The following HS2ST1 variants were observed in gnomAD, a reference collection of about 807,000 sequenced individuals.
HS2ST1 encodes 2-O-sulfotransferase.
Under a neutral mutation model 42.9 loss-of-function variants are expected in HS2ST1, and 18 were observed. The observed-to-expected ratio is 0.42, with a 90% confidence interval of 0.29 to 0.62. The LOEUF is 0.62. HS2ST1 is among the 20% of genes least tolerant of loss of function. The pLI, the probability that HS2ST1 is intolerant of heterozygous loss-of-function variation, is 0.21. For synonymous variants in HS2ST1, 146 were observed against 152.9 expected (o/e 0.95, Z 0.33); for missense variants, 334 against 433.8 (o/e 0.77, Z 2.04).
intron 1 of HS2ST1, among the ~76,000 whole-genome samples, chr1:86,959,199 A>C (rs893185390): frequency 6.6e-6 from 1 of 152,230 alleles, no homozygotes; most frequent in Non-Finnish European, 1.5e-5. Context: ...GTCCCCTCTC[A>C]CTACTCTTCA....
At chr1:86,980,433 A>G (rs1648544359) in intron 1 of HS2ST1, among the ~76,000 whole-genome samples, 1 of 152,208 alleles carries the variant, frequency 6.6e-6, no homozygotes, top group African/African-American at 2.4e-5. Flanking sequence ...CAATGTCAAC[A>G]AAATGCTAAC....
At chr1:87,079,408 G>A (rs1410156275) in intron 2 of HS2ST1, among the ~76,000 whole-genome samples, 2 of 152,182 alleles carry the variant, frequency 1.3e-5, no homozygotes, top group Non-Finnish European at 2.9e-5. Context: ...AAAGTGCTAG[G>A]ATTATAGGCG....
intron 1 of HS2ST1, among the ~76,000 whole-genome samples, chr1:86,931,963 A>G (rs891986543): frequency 3.3e-5 from 5 of 152,066 alleles, no homozygotes; most frequent in African/African-American, 9.7e-5. Flanking sequence ...TTGTAGAGAC[A>G]AGGTCTTGCT....
In HS2ST1 at chr1:87,073,053, C is replaced by G. The variant is rs1460519666; in HGVS notation, c.244C>G (p.Pro82Ala). ...CATGGTGATCATTTATAACAGAGTT[C>G]CCAAAACGGCAAGCACTTCATTTAC... ...EDMVIIYNRV[P>A]KTASTSFTNI... Residue 82 changes from proline to alanine, a missense_variant, in exon 2 of 7, where the codon CCC becomes GCC. Pro to Ala is a conservative substitution (Grantham distance 27). Coordinates refer to ENST00000370550, the MANE Select transcript of HS2ST1 (RefSeq NM_012262.4). 1 of 1,613,996 alleles carries G rather than the reference C, an allele frequency of 6.2e-7. No homozygotes were observed. The highest frequency in any genetic ancestry group is 8.5e-7 in the Non-Finnish European group (1 of 1,179,908).
intron 1 of HS2ST1, among the ~76,000 whole-genome samples, chr1:87,056,726 A>G (rs999894477): frequency 2.0e-5 from 3 of 152,198 alleles, no homozygotes; most frequent in Admixed American, 6.5e-5. Flanking sequence ...TTATTATACA[A>G]TTCTAATGTA....
In HS2ST1 at chr1:87,064,001, C is replaced by T. The variant is rs1237911077; in HGVS notation, c.125-8933C>T. Among the ~76,000 whole-genome samples the T allele has an allele frequency of 3.9e-5, 6 of 152,294 alleles. No individual in the cohort carries two copies. In the East Asian group the frequency reaches 1.2e-3, roughly 29 times the overall value. On this transcript the variant is annotated intron_variant, in intron 1 of 6. Coordinates refer to ENST00000370550, the MANE Select transcript of HS2ST1 (RefSeq NM_012262.4). ...GCTGTCTGAGATGAAAGTCCTGACC[C>T]TGTACTTGGCCTTCTCTGACATCAC...
intron 1 of HS2ST1, among the ~76,000 whole-genome samples, chr1:86,957,869 A>G (rs1364057166): frequency 6.8e-6 from 1 of 147,926 alleles, no homozygotes; most frequent in Non-Finnish European, 1.5e-5. Context: ...CTCTCAGCTC[A>G]CTGCAAACTC....
intron 1 of HS2ST1, among the ~76,000 whole-genome samples, chr1:87,067,767 G>A (rs1195799497): frequency 6.6e-6 from 1 of 152,150 alleles, no homozygotes; most frequent in Non-Finnish European, 1.5e-5. Context: ...AAGGGGTCCA[G>A]TTTCAGTTCT....
chr1:87,108,654 T>C lies in HS2ST1; in HGVS notation c.*3958T>C, dbSNP rs1283260457. On this transcript the variant is annotated 3_prime_UTR_variant, in exon 7 of 7. Transcript: ENST00000370550. ...CAGGAATTTTAGAGATTGAAATGAA[T>C]GATCATTTAGTCAGATTTATCCTGT... The C allele has an allele frequency of 6.6e-6, 1 of 152,108 alleles. No individual in the cohort carries two copies. The allele number at this position is 152,108 out of a possible 1,614,324, so 9.4% of individuals were successfully genotyped here.
At chr1:86,976,446 T>C (rs1648401203) in intron 1 of HS2ST1, among the ~76,000 whole-genome samples, 1 of 152,108 alleles carries the variant, frequency 6.6e-6, no homozygotes, top group Non-Finnish European at 1.5e-5. Flanking sequence ...GGATATAAGT[T>C]AGAAAGACTA....
At chr1:86,917,209 AG>A (rs1254646440) in intron 1 of HS2ST1, among the ~76,000 whole-genome samples, 1 of 152,196 alleles carries the variant, frequency 6.6e-6, no homozygotes. Flanking sequence ...TCGTGTTTAA[AG>A]TAAGAACACC....
intron 1 of HS2ST1, among the ~76,000 whole-genome samples, chr1:86,942,552 T>A (rs1391023799): frequency 6.6e-6 from 1 of 152,152 alleles, no homozygotes; most frequent in Non-Finnish European, 1.5e-5. Flanking sequence ...TAAATAAAAT[T>A]ATTTCAGAAA....
intron 1 of HS2ST1, among the ~76,000 whole-genome samples, chr1:87,063,058 A>G (rs1651157867): frequency 6.6e-6 from 1 of 152,140 alleles, no homozygotes; most frequent in Non-Finnish European, 1.5e-5. Context: ...TTAAGTGTGT[A>G]AAGTTGTCAG....
chr1:86,961,275 A>G (rs748631376), intron 1 of HS2ST1, among the ~76,000 whole-genome samples: 3 of 152,144 alleles, frequency 2.0e-5, no homozygotes, highest in Non-Finnish European at 4.4e-5. Flanking sequence ...AAGCAATAAA[A>G]TGAACTACAG....
At chr1:86,958,155 C>T (rs1195093702) in intron 1 of HS2ST1, among the ~76,000 whole-genome samples, 4 of 152,152 alleles carry the variant, frequency 2.6e-5, no homozygotes, top group Admixed American at 1.3e-4. Flanking sequence ...GGGGCATCAG[C>T]GCCTCTGCTG....
chr1:87,091,722 A>G (rs908073264), intron 3 of HS2ST1, among the ~76,000 whole-genome samples: 1 of 152,086 alleles, frequency 6.6e-6, no homozygotes, highest in African/African-American at 2.4e-5. Context: ...ATGAAGAATA[A>G]TGGAAAAGTA....
intron 1 of HS2ST1, among the ~76,000 whole-genome samples, chr1:87,012,114 T>C (rs542859824): frequency 6.6e-6 from 1 of 152,316 alleles, no homozygotes; most frequent in East Asian, 1.9e-4. Context: ...GTGTTCTACT[T>C]TTTTTTCCTT....
chr1:86,988,086 A>G (rs1648842919), intron 1 of HS2ST1, among the ~76,000 whole-genome samples: 1 of 152,170 alleles, frequency 6.6e-6, no homozygotes, highest in Admixed American at 6.5e-5. Context: ...TGGGAAAATG[A>G]AAGGGTTTTC....
At chr1:86,958,026 C>T (rs563236547) in intron 1 of HS2ST1, among the ~76,000 whole-genome samples, 7 of 152,202 alleles carry the variant, frequency 4.6e-5, no homozygotes, top group African/African-American at 1.2e-4. Flanking sequence ...CTCCTGACCA[C>T]GGTGATCCAC....
Sources: allele counts gnomAD v4.1 joint callset (sites outside exome capture counted in the v4.1 genomes callset), GRCh38; gene constraint gnomAD v4.1.1; transcripts MANE v1.5; gene names NCBI Gene and HGNC (gene_info 2026-07-23, HGNC 2026-07-21).